Variants in SVEP1 observed in about 807,000 individuals in gnomAD.
SVEP1 encodes sushi, von Willebrand factor type A, EGF and pentraxin domain-containing protein 1.
A neutral mutation model predicts 367.3 loss-of-function variants in SVEP1; 164 were observed. The observed-to-expected ratio is 0.45, with a 90% CI of 0.39 to 0.51. The LOEUF is 0.51. Ranked by LOEUF, SVEP1 falls within the 20% of genes least tolerant of loss-of-function variation. SVEP1 has a pLI of 0.00. For missense variants in SVEP1, 4,117 were observed against 4,425.3 expected (o/e 0.93, Z 1.98); for synonymous variants, 1,666 against 1,611.6 (o/e 1.03, Z -0.81).
At chr9:110,414,042 A>T (rs1285646351) in intron 36 of SVEP1, among the ~76,000 whole-genome samples, 1 of 151,998 alleles carries the variant, frequency 6.6e-6, no homozygotes, top group Non-Finnish European at 1.5e-5. Context: ...AGTTTCCAAC[A>T]CCTACACCTT....
At chr9:110,538,174 A>G (rs1830102586) in intron 3 of SVEP1, among the ~76,000 whole-genome samples, 1 of 152,000 alleles carries the variant, frequency 6.6e-6, no homozygotes, top group South Asian at 2.1e-4. Flanking sequence ...ATGCACTATC[A>G]GGGCTGAATA....
At chr9:110,487,977 CAGA>C (rs1435733588) in intron 9 of SVEP1, among the ~76,000 whole-genome samples, 13 of 152,096 alleles carry the variant, frequency 8.5e-5, no homozygotes, top group Admixed American at 6.6e-4. Context: ...TGGTAATGAG[CAGA>C]AGACCAATTG....
At chr9:110,553,930 TCA>T (rs1382870262) in intron 1 of SVEP1, among the ~76,000 whole-genome samples, 1 of 152,202 alleles carries the variant, frequency 6.6e-6, no homozygotes, top group African/African-American at 2.4e-5. Context: ...TTAAATATTC[TCA>T]CATACTTTTC....
chr9:110,384,206 C>A (rs751229613), intron 43 of SVEP1, among the ~76,000 whole-genome samples: 7 of 152,178 alleles, frequency 4.6e-5, no homozygotes, highest in Non-Finnish European at 1.0e-4. Context: ...TTGCACAGAT[C>A]CATGGAAAAA....
At chr9:110,546,995 A>T (rs1830228974) in intron 2 of SVEP1, among the ~76,000 whole-genome samples, 1 of 152,156 alleles carries the variant, frequency 6.6e-6, no homozygotes, top group Non-Finnish European at 1.5e-5. Context: ...AAAGTTTTAG[A>T]CTAAATTCCA....
chr9:110,401,411 C>G (rs1827858745), intron 39 of SVEP1, among the ~76,000 whole-genome samples: 2 of 151,602 alleles, frequency 1.3e-5, no homozygotes, highest in African/African-American at 4.8e-5. Context: ...TTATGAGAAA[C>G]AGTAAATTTT....
At chr9:110,416,661 CAAT>C (rs1366194534) in intron 36 of SVEP1, among the ~76,000 whole-genome samples, 1 of 151,916 alleles carries the variant, frequency 6.6e-6, no homozygotes, top group Non-Finnish European at 1.5e-5. Flanking sequence ...GTAAGAAGTA[CAAT>C]GAGTCCCAAA....
At chr9:110,383,454 G>C (rs11791430) in intron 43 of SVEP1, among the ~76,000 whole-genome samples, 1 of 150,826 alleles carries the variant, frequency 6.6e-6, no homozygotes, top group South Asian at 2.1e-4. Context: ...TCCTCTGGGA[G>C]CTCTGTCCCA....
intron 18 of SVEP1, among the ~76,000 whole-genome samples, chr9:110,462,358 G>A (rs1828870425): frequency 1.3e-5 from 2 of 151,836 alleles, no homozygotes; most frequent in Non-Finnish European, 2.9e-5. Context: ...ATTTGCATGT[G>A]CAATTTTATT....
At chr9:110,477,208 C>G (rs1055426562) in intron 13 of SVEP1, among the ~76,000 whole-genome samples, 1 of 152,210 alleles carries the variant, frequency 6.6e-6, no homozygotes, top group East Asian at 1.9e-4. Flanking sequence ...AGGAATCCAA[C>G]AGTTCCTTGA....
intron 47 of SVEP1, among the ~76,000 whole-genome samples, chr9:110,368,878 ATTTTT>A (rs149782474): frequency 6.6e-6 from 1 of 152,112 alleles, no homozygotes; most frequent in African/African-American, 2.4e-5. Context: ...CATTAGACAG[ATTTTT>A]TTGTTGTTGT....
intron 40 of SVEP1, among the ~76,000 whole-genome samples, chr9:110,393,062 T>G (rs769366410): frequency 6.6e-6 from 1 of 152,226 alleles, no homozygotes; most frequent in Non-Finnish European, 1.5e-5. Flanking sequence ...GCAATCACTA[T>G]TGCACCTTTC....
rs1278283674 is a variant in SVEP1 at position 110,514,598 on chromosome 9, G to A, written c.965-492C>T. On this transcript the variant is annotated intron_variant, in intron 3 of 47. Transcript: ENST00000374469. The stretch of plus-strand genomic sequence containing the variant: ...GAAACCAACATTTTTGTTTTCTAAA[G>A]AATGATGTAATTTGTTATTTGCAAG... Among the ~76,000 whole-genome samples the A allele has an allele frequency of 5.3e-5, 8 of 151,812 alleles. No individual in the cohort carries two copies. In the South Asian group the frequency reaches 1.7e-3, roughly 32 times the overall value.
intron 27 of SVEP1, 128 bp from the exon 28 acceptor site, chr9:110,436,632 C>G (rs1828434175): frequency 7.4e-7 from 1 of 1,359,910 alleles, no homozygotes; most frequent in South Asian, 1.6e-5. Flanking sequence ...AAGCAAAATT[C>G]TGTAAATTTA....
At position 110,471,361 on chromosome 9, in the gene SVEP1, T is replaced by C; in HGVS notation, c.2998+3A>G. On this transcript the variant is annotated splice_donor_region_variant and intron_variant, in intron 16 of 47. Coordinates refer to ENST00000374469, the MANE Select transcript of SVEP1 (RefSeq NM_153366.4). ...TATTTTTGATCACAGGGAACAGTCT[T>C]ACCACACATACGCCCTCTCAGCACT... The C allele has an allele frequency of 6.2e-7, 1 of 1,613,194 alleles. No individual in the cohort carries two copies. The highest frequency in any genetic ancestry group is 1.7e-5 in the Admixed American group (1 of 59,900).
chr9:110,385,916 T>C lies in SVEP1; in HGVS notation c.10219A>G (p.Thr3407Ala), dbSNP rs1403061854. The C allele has an allele frequency of 6.2e-7, 1 of 1,613,422 alleles. No homozygotes were observed. Among genetic ancestry groups the C allele is most frequent in the Non-Finnish European group, 8.5e-7 (1 of 1,179,702 alleles). The change falls in exon 43 of 48, where the codon ACA (threonine) becomes GCA (alanine). Residue 3407 changes from threonine to alanine, a missense_variant. Coordinates refer to ENST00000374469, the MANE Select transcript of SVEP1 (RefSeq NM_153366.4). ...GACTTACTTTCACATTTGGCGCTTGTCTGTGTCCACGTCTCGTCGGGGTTG... is the reference window on the plus strand; with the variant it reads ...GACTTACTTTCACATTTGGCGCTTGCCTGTGTCCACGTCTCGTCGGGGTTG... ...TCNPDETWTQTSAKCEKISCG... is the reference protein window; with the variant it reads ...TCNPDETWTQASAKCEKISCG...
At chr9:110,565,279 T>C (rs1239251938) in intron 1 of SVEP1, among the ~76,000 whole-genome samples, 5 of 152,216 alleles carry the variant, frequency 3.3e-5, no homozygotes, top group African/African-American at 9.6e-5. Context: ...GTTCTGCATA[T>C]ACATTTACAA....
At chr9:110,559,958 G>T (rs971155470) in intron 1 of SVEP1, among the ~76,000 whole-genome samples, 2 of 152,082 alleles carry the variant, frequency 1.3e-5, no homozygotes, top group African/African-American at 4.8e-5. Flanking sequence ...ACATTAGTGT[G>T]CATGTATGTG....
chr9:110,578,727 C>T (rs1365608254), intron 1 of SVEP1, among the ~76,000 whole-genome samples: 6 of 152,296 alleles, frequency 3.9e-5, no homozygotes, highest in East Asian at 1.9e-4. Flanking sequence ...CTCCTACAAA[C>T]GTGAATGTGA....
Sources: allele counts gnomAD v4.1 joint callset (sites outside exome capture counted in the v4.1 genomes callset), GRCh38; gene constraint gnomAD v4.1.1; transcripts MANE v1.5; gene names NCBI Gene and HGNC (gene_info 2026-07-23, HGNC 2026-07-21).